The following RARB variants were observed in gnomAD, a reference collection of about 807,000 sequenced individuals.
RARB encodes retinoic acid receptor beta.
RARB carries 17 observed loss-of-function variants against 51.9 expected under a neutral mutation model. That is an observed-to-expected ratio of 0.33 (90% CI 0.22 to 0.49). The LOEUF (loss-of-function observed/expected upper bound fraction) is 0.49. Among genes scored for constraint, RARB ranks in the 20% least tolerant of loss-of-function variants. RARB has a pLI of 0.99. For missense variants in RARB, 369 were observed against 550.8 expected (o/e 0.67, Z 3.30); for synonymous variants, 215 against 195.4 (o/e 1.10, Z -0.84).
chr3:24,996,263 C>A (rs1034177847), intron 2 of RARB, among the ~76,000 whole-genome samples: 1 of 151,962 alleles, frequency 6.6e-6, no homozygotes, highest in African/African-American at 2.4e-5. Context: ...TTATAGTAAT[C>A]TTGAATGATC....
chr3:25,131,291 T>C (rs1436688221), intron 3 of RARB, among the ~76,000 whole-genome samples: 1 of 151,988 alleles, frequency 6.6e-6, no homozygotes, highest in Non-Finnish European at 1.5e-5. Flanking sequence ...TTCCTAATCA[T>C]TTTGTGTTTA....
intron 5 of RARB, among the ~76,000 whole-genome samples, chr3:25,353,472 A>AT (rs1447007548): frequency 4.6e-5 from 7 of 151,242 alleles, no homozygotes; most frequent in South Asian, 2.1e-4. Flanking sequence ...TGAAGTTTTT[A>AT]TTTTTTTCTT....
At chr3:25,209,864 G>A (rs763905271) in intron 5 of RARB, among the ~76,000 whole-genome samples, 8 of 152,200 alleles carry the variant, frequency 5.3e-5, no homozygotes, top group Non-Finnish European at 8.8e-5. Context: ...GTCCTGTGAT[G>A]TGACCGAAAC....
chr3:25,470,752 T>TC (rs1695647172), intron 2 of RARB, among the ~76,000 whole-genome samples: 2 of 152,088 alleles, frequency 1.3e-5, no homozygotes, highest in Admixed American at 6.5e-5. Context: ...CCAGGTTAGG[T>TC]CCCCCTCTTT....
At chr3:25,165,268 C>T (rs997513540) in intron 4 of RARB, among the ~76,000 whole-genome samples, 23 of 152,126 alleles carry the variant, frequency 1.5e-4, no homozygotes, top group Admixed American at 1.4e-3. Flanking sequence ...TGCTCTCTCT[C>T]ATGTCTCTTG....
intron 3 of RARB, among the ~76,000 whole-genome samples, chr3:25,068,269 C>G (rs776938268): frequency 9.5e-5 from 14 of 147,058 alleles, no homozygotes; most frequent in Non-Finnish European, 1.6e-4. Context: ...CCCCTTTCAT[C>G]TGCTTCTCTC....
At chr3:25,022,576 T>TTCC (rs1186102086) in intron 2 of RARB, among the ~76,000 whole-genome samples, 1 of 152,200 alleles carries the variant, frequency 6.6e-6, no homozygotes, top group Non-Finnish European at 1.5e-5. Context: ...AGCATTCCAG[T>TTCC]TCCTCTACAT....
At chr3:24,996,558 A>G (rs1697044856) in intron 2 of RARB, among the ~76,000 whole-genome samples, 1 of 150,870 alleles carries the variant, frequency 6.6e-6, no homozygotes. Flanking sequence ...TTTATTTGAA[A>G]TCTTTCTAGT....
intron 1 of RARB, among the ~76,000 whole-genome samples, chr3:24,856,023 T>C (rs1278745964): frequency 6.6e-6 from 1 of 152,074 alleles, no homozygotes; most frequent in African/African-American, 2.4e-5. Flanking sequence ...GTGCTGGGAT[T>C]ACAGGCGTGA....
chr3:25,080,356 C>T lies in RARB; in HGVS notation c.-328+20180C>T, dbSNP rs370141562. Among the ~76,000 whole-genome samples, 4 of 152,240 alleles carry T rather than the reference C, an allele frequency of 2.6e-5. No individual in the cohort carries two copies. In the East Asian group the frequency reaches 7.7e-4, roughly 29 times the overall value. ...TGTTAACAAACACTTCAGATATTTC[C>T]ACATTTTAGCTATTTGAATAATGCT... On this transcript the variant is annotated intron_variant, in intron 3 of 11. Transcript: ENST00000383772.
chr3:24,950,615 C>A (rs778427588), intron 2 of RARB, among the ~76,000 whole-genome samples: 4 of 151,654 alleles, frequency 2.6e-5, no homozygotes, highest in Non-Finnish European at 5.9e-5. Context: ...GAGATGGGAA[C>A]CATTGTTGTC....
At chr3:25,167,039 C>T (rs1700571860) in intron 4 of RARB, among the ~76,000 whole-genome samples, 1 of 152,156 alleles carries the variant, frequency 6.6e-6, no homozygotes, top group South Asian at 2.1e-4. Context: ...TACTGCCTTT[C>T]TCTTGCCACA....
At chr3:25,349,921 G>A (rs559381544) in intron 5 of RARB, among the ~76,000 whole-genome samples, 6 of 152,022 alleles carry the variant, frequency 3.9e-5, no homozygotes, top group African/African-American at 1.4e-4. Flanking sequence ...TTTCCAAATG[G>A]GCTTCACTCA....
At chr3:25,462,017 G>A (rs747416234) in intron 2 of RARB, among the ~76,000 whole-genome samples, 4 of 152,202 alleles carry the variant, frequency 2.6e-5, no homozygotes, top group Non-Finnish European at 2.9e-5. Flanking sequence ...ATGACTGACA[G>A]TCCACTGAAT....
chr3:25,038,281 C>T (rs1407206257), intron 2 of RARB, among the ~76,000 whole-genome samples: 1 of 152,016 alleles, frequency 6.6e-6, no homozygotes, highest in Non-Finnish European at 1.5e-5. Context: ...TTGTGTATAA[C>T]ATATAAATCA....
At chr3:25,224,277 T>TA (rs1267192022) in intron 5 of RARB, among the ~76,000 whole-genome samples, 1 of 152,200 alleles carries the variant, frequency 6.6e-6, no homozygotes, top group Non-Finnish European at 1.5e-5. Flanking sequence ...TGTTCATATC[T>TA]AAACCTAAGA....
intron 1 of RARB, among the ~76,000 whole-genome samples, chr3:25,447,201 T>G (rs1708986826): frequency 1.3e-5 from 2 of 152,198 alleles, no homozygotes. Flanking sequence ...AGGATTTGTA[T>G]GCAGATTTCA....
At chr3:24,925,779 G>GCTTACT (rs1360131942) in intron 2 of RARB, among the ~76,000 whole-genome samples, 4 of 151,464 alleles carry the variant, frequency 2.6e-5, no homozygotes, top group South Asian at 4.2e-4. Context: ...ACTTTCAATA[G>GCTTACT]CTTACTCTTG....
At chr3:25,341,792 T>C (rs1045949466) in intron 5 of RARB, among the ~76,000 whole-genome samples, 1 of 152,150 alleles carries the variant, frequency 6.6e-6, no homozygotes, top group Non-Finnish European at 1.5e-5. Flanking sequence ...CAAAGAATTG[T>C]CTGACCCAAA....
Sources: allele counts gnomAD v4.1 joint callset (sites outside exome capture counted in the v4.1 genomes callset), GRCh38; gene constraint gnomAD v4.1.1; transcripts MANE v1.5; gene names NCBI Gene and HGNC (gene_info 2026-07-23, HGNC 2026-07-21).